Variants in KCTD8 observed in about 807,000 individuals in gnomAD.
KCTD8 encodes BTB/POZ domain-containing protein KCTD8.
In KCTD8, 27 loss-of-function variants were observed where a neutral mutation model predicts 31.5. That is an observed-to-expected ratio of 0.86 (90% confidence interval 0.63 to 1.18). The LOEUF (loss-of-function observed/expected upper bound fraction) is 1.18, where lower values mean the gene tolerates loss of function less well. Ranked by LOEUF, KCTD8 falls within the 50% of genes most tolerant of loss-of-function variation. KCTD8 has a pLI of 0.00. For missense variants in KCTD8, 658 were observed against 647.7 expected (o/e 1.02, Z -0.17); for synonymous variants, 290 against 280.0 (o/e 1.04, Z -0.36).
chr4:44,216,258 T>G (rs2109345830), intron 1 of KCTD8, among the ~76,000 whole-genome samples: 1 of 152,248 alleles, frequency 6.6e-6, no homozygotes, highest in South Asian at 2.1e-4. Context: ...GTGGGTATGT[T>G]CAAATGTTGG....
chr4:44,314,036 G>A (rs1718029313), intron 1 of KCTD8, among the ~76,000 whole-genome samples: 1 of 152,168 alleles, frequency 6.6e-6, no homozygotes, highest in South Asian at 2.1e-4. Flanking sequence ...TTGATAAGGG[G>A]AGCTGTACAA....
chr4:44,293,759 A>G, intron 1 of KCTD8: 1 of 449,454 alleles, frequency 2.2e-6, no homozygotes, highest in Non-Finnish European at 4.5e-6. Flanking sequence ...AAATATTGAA[A>G]CATAGCCACT....
At chr4:44,214,047 T>C (rs1322973900) in intron 1 of KCTD8, among the ~76,000 whole-genome samples, 1 of 152,220 alleles carries the variant, frequency 6.6e-6, no homozygotes, top group East Asian at 1.9e-4. Context: ...ACCATACATT[T>C]CTTCCCTTCA....
intron 1 of KCTD8, among the ~76,000 whole-genome samples, chr4:44,183,697 T>C (rs1312179703): frequency 6.6e-6 from 1 of 152,172 alleles, no homozygotes; most frequent in Non-Finnish European, 1.5e-5. Context: ...CTATATTTTT[T>C]CCTTGAATAC....
chr4:44,233,483 T>C (rs1400606201), intron 1 of KCTD8, among the ~76,000 whole-genome samples: 1 of 152,184 alleles, frequency 6.6e-6, no homozygotes, highest in African/African-American at 2.4e-5. Flanking sequence ...GCAATCTGTA[T>C]ACAGCATGTG....
At chr4:44,202,154 G>T (rs918299228) in intron 1 of KCTD8, among the ~76,000 whole-genome samples, 3 of 152,102 alleles carry the variant, frequency 2.0e-5, no homozygotes, top group Non-Finnish European at 4.4e-5. Flanking sequence ...TGCTAATGAG[G>T]CTGTGGAGAA....
At chr4:44,349,871 C>T (rs1359824155) in intron 1 of KCTD8, among the ~76,000 whole-genome samples, 6 of 152,008 alleles carry the variant, frequency 3.9e-5, no homozygotes, top group African/African-American at 1.4e-4. Flanking sequence ...AAATTGGCAT[C>T]CAATACCCAC....
At chr4:44,363,093 A>T (rs568349404) in intron 1 of KCTD8, among the ~76,000 whole-genome samples, 46 of 152,212 alleles carry the variant, frequency 3.0e-4, no homozygotes, top group African/African-American at 1.1e-3. Context: ...AATTTAACCA[A>T]GGAGCTGGAG....
intron 1 of KCTD8, among the ~76,000 whole-genome samples, chr4:44,250,825 T>C (rs933217695): frequency 1.3e-5 from 2 of 151,802 alleles, no homozygotes; most frequent in African/African-American, 4.8e-5. Context: ...ATTTAATTTA[T>C]ATAGGGTGCA....
At chr4:44,279,650 C>G (rs919216783) in intron 1 of KCTD8, among the ~76,000 whole-genome samples, 3 of 152,002 alleles carry the variant, frequency 2.0e-5, no homozygotes, top group African/African-American at 7.2e-5. Context: ...AGGAAACAAA[C>G]GTCATGGGGA....
In KCTD8 at chr4:44,344,844, G is replaced by A. The variant is rs142408775; in HGVS notation, c.961+102719C>T. ...CTGTGTGCTATGGGCCACCATTTGA[G>A]AAACACTGCTCTAAACTTACCCTTT... On this transcript the variant is annotated intron_variant, in intron 1 of 1. Transcript: ENST00000360029. Among the ~76,000 whole-genome samples, 816 of 152,272 alleles carry A rather than the reference G, an allele frequency of 5.4e-3. 12 individuals carry two copies. The highest frequency in any genetic ancestry group is 0.018 in the African/African-American group (759 of 41,558).
chr4:44,411,192 A>C (rs113526101), intron 1 of KCTD8, among the ~76,000 whole-genome samples: 1,617 of 152,194 alleles, frequency 0.011, 39 homozygotes, highest in Admixed American at 0.058. Flanking sequence ...AAAGTGGGCC[A>C]GGTATAGTGG....
intron 1 of KCTD8, among the ~76,000 whole-genome samples, chr4:44,375,894 C>T (rs1406081604): frequency 6.6e-6 from 1 of 152,066 alleles, no homozygotes; most frequent in African/African-American, 2.4e-5. Flanking sequence ...CAGAAAACAT[C>T]CTTTGTTTTC....
intron 1 of KCTD8, among the ~76,000 whole-genome samples, chr4:44,327,159 T>G (rs1259187998): frequency 6.6e-6 from 1 of 151,948 alleles, no homozygotes; most frequent in Non-Finnish European, 1.5e-5. Context: ...GACATTCTTC[T>G]TTTTATAGCA....
intron 1 of KCTD8, among the ~76,000 whole-genome samples, chr4:44,243,220 T>G (rs1023453602): frequency 1.3e-5 from 2 of 152,182 alleles, no homozygotes; most frequent in African/African-American, 4.8e-5. Flanking sequence ...AAGTTAAAAA[T>G]GGAGATATGC....
chr4:44,435,945 C>A (rs186609415), intron 1 of KCTD8, among the ~76,000 whole-genome samples: 1 of 152,174 alleles, frequency 6.6e-6, no homozygotes, highest in East Asian at 1.9e-4. Flanking sequence ...TTAAGCAGTT[C>A]TTCAGGGAAA....
At chr4:44,211,468 T>C (rs1367025592) in intron 1 of KCTD8, among the ~76,000 whole-genome samples, 1 of 152,226 alleles carries the variant, frequency 6.6e-6, no homozygotes, top group Non-Finnish European at 1.5e-5. Flanking sequence ...TTCAACATTA[T>C]ATTTCTAAGG....
At chr4:44,252,870 T>C (rs1347984275) in intron 1 of KCTD8, among the ~76,000 whole-genome samples, 1 of 151,722 alleles carries the variant, frequency 6.6e-6, no homozygotes, top group African/African-American at 2.4e-5. Context: ...GGCACTTCCT[T>C]ACTTTTTGCA....
At chr4:44,194,169 AAGGCC>A (rs373715760) in intron 1 of KCTD8, among the ~76,000 whole-genome samples, 3 of 152,332 alleles carry the variant, frequency 2.0e-5, no homozygotes, top group African/African-American at 7.2e-5. Flanking sequence ...GTTCTGACAT[AAGGCC>A]AGAAATTTCT....
Sources: gnomAD v4.1 joint callset for allele counts (sites outside exome capture counted in the v4.1 genomes callset) on GRCh38, gnomAD v4.1.1 for gene constraint, MANE v1.5 for transcripts, NCBI Gene and HGNC (gene_info 2026-07-23, HGNC 2026-07-21) for gene names.